MMEL1: variants seen among roughly 807,000 people sequenced by gnomAD.
MMEL1 encodes the protein membrane metallo-endopeptidase-like 1.
A neutral mutation model predicts 117.1 loss-of-function variants in MMEL1; 98 were observed. The observed-to-expected ratio is 0.84, with a 90% confidence interval of 0.71 to 0.99. MMEL1 has a LOEUF of 0.99. Among genes scored for constraint, MMEL1 ranks in the 50% least tolerant of loss-of-function variants. The pLI, the probability that MMEL1 is intolerant of heterozygous loss-of-function variation, is 0.00. For synonymous variants in MMEL1, 390 were observed against 415.1 expected (o/e 0.94, Z 0.74); for missense variants, 1,014 against 1,049.1 (o/e 0.97, Z 0.46).
In MMEL1 at chr1:2,603,929, G is replaced by A. The variant is rs763970996; in HGVS notation, c.996C>T (p.Tyr332=). ...QEERHDVIAL[Y]HRMGLEELQS... ...GCAGCTCCTCCAGTCCCATCCGGTG[G>A]TACAAGGCGATGACGTCGTGTCTCT... Residue 332 remains tyrosine (Y), a synonymous_variant, in exon 11 of 24, where the codon TAC becomes TAT. Coordinates refer to ENST00000378412, the MANE Select transcript of MMEL1 (RefSeq NM_033467.4). The A allele has an allele frequency of 1.2e-5, 19 of 1,613,806 alleles. No individual in the cohort carries two copies. Among genetic ancestry groups the A allele is most frequent in the East Asian group, 2.2e-5 (1 of 44,886 alleles).
chr1:2,611,175 G>C (rs1443004234), intron 4 of MMEL1, 106 bp downstream of exon 4: 1 of 1,140,182 alleles, frequency 8.8e-7, no homozygotes, highest in Non-Finnish European at 1.2e-6. Context: ...ACCGCCCGCC[G>C]TGTCTTGGAG....
chr1:2,594,171 A>G, intron 18 of MMEL1: 1 of 778,644 alleles, frequency 1.3e-6, no homozygotes. Flanking sequence ...TGCCTGCAGG[A>G]AAGGCTCTGG....
chr1:2,614,455 G>T (rs1645173455), intron 2 of MMEL1, among the ~76,000 whole-genome samples: 1 of 152,222 alleles, frequency 6.6e-6, no homozygotes, highest in Non-Finnish European at 1.5e-5. Flanking sequence ...AGGTGGCTGG[G>T]CTTATTGCTG....
chr1:2,594,675 G>C (rs1644802581), intron 17 of MMEL1, 115 bp downstream of exon 17: 2 of 976,152 alleles, frequency 2.0e-6, no homozygotes, highest in East Asian at 4.8e-5. Flanking sequence ...GCACCCCTCA[G>C]CTGGCACTGG....
chr1:2,631,557 G>A (rs79912256), intron 1 of MMEL1, among the ~76,000 whole-genome samples: 2 of 151,980 alleles, frequency 1.3e-5, no homozygotes, highest in Admixed American at 6.5e-5. Context: ...TGTGAGGAGC[G>A]GGGACGGGGA....
rs368881047 is a variant in MMEL1 at position 2,628,070 on chromosome 1, T to C, written c.154+1261A>G. ...GGGGGTGTGTGTGGGGTCAGCCTTG[T>C]TTTATGAAAGCCTGGAAAGCAGGTG... On this transcript the variant is annotated intron_variant, in intron 2 of 23. Coordinates refer to ENST00000378412, the MANE Select transcript of MMEL1 (RefSeq NM_033467.4). Among the ~76,000 whole-genome samples the C allele has an allele frequency of 2.3e-3, 346 of 152,316 alleles. 1 individual carries two copies. Among genetic ancestry groups the C allele is most frequent in the African/African-American group, 8.0e-3 (331 of 41,570 alleles).
At position 2,593,945 on chromosome 1, in the gene MMEL1, G is replaced by A; in HGVS notation, c.1748-12C>T. 1 of 1,590,626 alleles carries A rather than the reference G, an allele frequency of 6.3e-7. No individual in the cohort carries two copies. The highest frequency in any genetic ancestry group is 8.6e-7 in the Non-Finnish European group (1 of 1,168,474). ...CCCGGCAGGGAATACTGTCCCCAAG[G>A]GCGGGACAAAGAATAAGCTGTGAGT... On this transcript the variant is annotated splice_polypyrimidine_tract_variant and intron_variant, in intron 18 of 23. Transcript: ENST00000378412.
rs562014966 is a variant in MMEL1, at chr1:2,629,479, C to T, written c.6G>A (p.Gly2=). M[G]KSEGPVGMVE... ...CCATCCCCACTGGGCCTTCGGACTT[C>T]CCCATCAGCAGGGCTCTGGACGGGA... The change falls in exon 2 of 24, where the codon GGG becomes GGA. Residue 2 remains glycine, a synonymous_variant. Transcript: ENST00000378412. 6.8e-4 allele frequency: 1,036 copies of T among 1,515,334 alleles called. 10 individuals carry two copies. In the South Asian group the frequency reaches 7.3e-3, roughly 11 times the overall value. The allele number at this position is 1,515,334 out of a possible 1,614,324, so 93.9% of individuals were successfully genotyped here.
intron 1 of MMEL1, 44 bp from the exon 2 acceptor site, chr1:2,629,565 C>G: frequency 7.4e-7 from 1 of 1,351,332 alleles, no homozygotes; most frequent in Non-Finnish European, 9.6e-7. Context: ...GCGTGGAGCT[C>G]CCCGAGCCCG....
rs528400354 is a variant in MMEL1, at chr1:2,603,953, C to T, written c.972G>A (p.Glu324=). 3 of 1,613,916 alleles carry T rather than the reference C, an allele frequency of 1.9e-6. No homozygotes were observed. Among genetic ancestry groups the T allele is most frequent in the Admixed American group, 3.3e-5 (2 of 60,024 alleles). Reference sequence around the variant, plus strand: ...GGTACAAGGCGATGACGTCGTGTCTCTCCTCCTGGGGTACCGTGGCCTGTG... The same window carrying T: ...GGTACAAGGCGATGACGTCGTGTCTTTCCTCCTGGGGTACCGTGGCCTGTG... ...QLAKATVPQE[E]RHDVIALYHR... The change falls in exon 11 of 24, where the codon GAG becomes GAA. Residue 324 remains glutamate (E), a synonymous_variant. Transcript: ENST00000378412.
At chr1:2,630,632 T>A (rs964042660) in intron 1 of MMEL1, among the ~76,000 whole-genome samples, 1 of 151,376 alleles carries the variant, frequency 6.6e-6, no homozygotes, top group African/African-American at 2.4e-5. Context: ...CGTGTGTGCC[T>A]GTGCTCGCGT....
chr1:2,591,000 C>A lies in MMEL1; in HGVS notation c.2330G>T (p.Arg777Leu), dbSNP rs564401130. 1 of 1,590,980 alleles carries A rather than the reference C, an allele frequency of 6.3e-7. No individual in the cohort carries two copies. The highest frequency in any genetic ancestry group is 1.1e-5 in the South Asian group (1 of 87,156). The change falls in exon 24 of 24, where the codon CGC becomes CTC. Residue 777 changes from arginine (R) to leucine (L), a missense_variant. Arg to Leu is a moderately radical substitution (Grantham distance 102). Coordinates refer to ENST00000378412, the MANE Select transcript of MMEL1 (RefSeq NM_033467.4). ...GTPMHPKERC[R>L]VW ...GCGGCAGGGCCTTGGCTACCACACG[C>A]GGCATCGCTCCTTGGGGTGCATGGG...
At chr1:2,596,455 G>C in intron 14 of MMEL1, 106 bp downstream of exon 14, 1 of 1,465,666 alleles carries the variant, frequency 6.8e-7, no homozygotes, top group Non-Finnish European at 9.2e-7. Flanking sequence ...TGGTGAGCTG[G>C]GGCAGGTGCC....
chr1:2,591,176 C>G, intron 23 of MMEL1, 87 bp from the exon 24 acceptor site: 1 of 900,376 alleles, frequency 1.1e-6, no homozygotes, highest in Non-Finnish European at 1.6e-6. Flanking sequence ...AAAACCAGCC[C>G]AAAACATCAG....
intron 11 of MMEL1, among the ~76,000 whole-genome samples, chr1:2,601,853 C>T (rs1644936746): frequency 6.6e-6 from 1 of 152,254 alleles, no homozygotes; most frequent in South Asian, 2.1e-4. Context: ...GATGAAACCC[C>T]ACTACACAGG....
intron 4 of MMEL1, among the ~76,000 whole-genome samples, chr1:2,610,709 G>C (rs1177313669): frequency 6.6e-6 from 1 of 151,976 alleles, no homozygotes; most frequent in Non-Finnish European, 1.5e-5. Context: ...CTTTCAACTG[G>C]GGTAGCTGGG....
Position 2,591,082 on chromosome 1 carries a change from C to T in MMEL1, c.2248G>A (p.Gly750Arg). ...AAGGCGGCCAGGTTCTGCAGCGACC[C>T]CAGTACCCTGTGGGTGGGTGGGTGT... ...VHSPLKYRVL[G>R]SLQNLAAFAD... Residue 750 changes from glycine to arginine, a missense_variant, in exon 24 of 24, where the codon GGG becomes AGG. Physicochemically the swap from Gly to Arg is moderately radical, Grantham distance 125. Coordinates refer to ENST00000378412, the MANE Select transcript of MMEL1 (RefSeq NM_033467.4). The T allele has an allele frequency of 6.3e-7, 1 of 1,588,978 alleles. No individual in the cohort carries two copies. The highest frequency in any genetic ancestry group is 8.6e-7 in the Non-Finnish European group (1 of 1,168,128).
intron 14 of MMEL1, 144 bp downstream of exon 14, chr1:2,596,417 G>T: frequency 8.3e-7 from 1 of 1,199,620 alleles, no homozygotes; most frequent in African/African-American, 1.5e-5. Context: ...CATGGGGTGG[G>T]CACGGCTTCC....
Position 2,593,913 on chromosome 1 carries a change from G to A in MMEL1, c.1768C>T (p.Gln590Ter). ...NQIVFPAGIL[Q>*]PPFFSKEQPQ... ...TGCTCCTTGCTGAAGAAGGGGGGCT[G>A]GAGGATCCCGGCAGGGAATACTGTC... Residue 590 changes from glutamine to a stop codon, truncating the protein, a stop_gained, in exon 19 of 24, where the codon CAG (glutamine) becomes TAG (stop). Coordinates refer to ENST00000378412, the MANE Select transcript of MMEL1 (RefSeq NM_033467.4). LOFTEE classifies it high-confidence loss of function. 6.2e-7 allele frequency: 1 copy of A among 1,609,854 alleles called. No homozygotes were observed. The highest frequency in any genetic ancestry group is 8.5e-7 in the Non-Finnish European group (1 of 1,178,060).
Sources: gnomAD v4.1 joint callset for allele counts (sites outside exome capture counted in the v4.1 genomes callset) on GRCh38, gnomAD v4.1.1 for gene constraint, MANE v1.5 for transcripts, NCBI Gene and HGNC (gene_info 2026-07-23, HGNC 2026-07-21) for gene names.